Variants in RPF2 observed in about 807,000 individuals in gnomAD.
The protein encoded by RPF2 is ribosome production factor 2 homolog.
RPF2 carries 21 observed loss-of-function variants against 38.9 expected under a neutral mutation model. The observed-to-expected ratio is 0.54, with a 90% CI of 0.38 to 0.78. RPF2 has a LOEUF of 0.78. Among genes scored for constraint, RPF2 ranks in the 30% least tolerant of loss-of-function variants. RPF2 has a pLI of 0.00. For missense variants in RPF2, 314 were observed against 358.1 expected (o/e 0.88, Z 0.99); for synonymous variants, 121 against 126.2 (o/e 0.96, Z 0.28).
intron 4 of RPF2, among the ~76,000 whole-genome samples, chr6:110,992,170 C>T (rs201827391): frequency 2.0e-5 from 3 of 151,958 alleles, no homozygotes; most frequent in African/African-American, 7.3e-5. Flanking sequence ...ATTAGCCGGG[C>T]GTGATGGCAC....
chr6:110,987,306 G>A (rs1235503898), intron 2 of RPF2, among the ~76,000 whole-genome samples: 5 of 151,978 alleles, frequency 3.3e-5, no homozygotes, highest in African/African-American at 4.8e-5. Flanking sequence ...TGATCTGTCC[G>A]CCTCGGCCTC....
intron 7 of RPF2, among the ~76,000 whole-genome samples, chr6:111,012,557 A>G (rs1419982954): frequency 6.6e-6 from 1 of 152,162 alleles, no homozygotes; most frequent in Non-Finnish European, 1.5e-5. Flanking sequence ...TTCATTATAC[A>G]ATTGAGAAAA....
Position 111,011,301 on chromosome 6 carries a change from TTTCTTTC to T in RPF2, c.493+3167_493+3173del, listed in dbSNP as rs1179149142. 7.1e-4 allele frequency among the ~76,000 whole-genome samples: 100 copies of T among 140,472 alleles called. 2 individuals carry two copies. The highest frequency in any genetic ancestry group is 2.4e-3 in the African/African-American group (82 of 34,744). The allele number at this position is 140,472 out of a possible 152,430, so 92.2% of individuals were successfully genotyped here. A position where few individuals can be genotyped will look rare whatever the true frequency, so the allele number is the denominator to read the frequency against. ...TTTTCTTTCTTTCTTTCTTTCTTTC[TTTCTTTC>T]TTTTTTTTTTTGAGACATAGTCTCA... On this transcript the variant is annotated intron_variant, in intron 7 of 9. Coordinates refer to ENST00000441448, the MANE Select transcript of RPF2 (RefSeq NM_032194.3).
chr6:110,988,425 T>C (rs1188202589), intron 2 of RPF2, among the ~76,000 whole-genome samples: 2 of 148,046 alleles, frequency 1.4e-5, no homozygotes, highest in African/African-American at 2.5e-5. Context: ...TTTCTGTTTT[T>C]GTCTACTACT....
chr6:111,009,297 A>G (rs6568662), intron 7 of RPF2, among the ~76,000 whole-genome samples: 127,726 of 151,990 alleles, frequency 0.84, 54,189 homozygotes, highest in East Asian at 1. Flanking sequence ...CTCGTGATCC[A>G]CCCGCCTCGC....
At chr6:110,999,288 T>C (rs913851654) in intron 5 of RPF2, among the ~76,000 whole-genome samples, 1 of 152,086 alleles carries the variant, frequency 6.6e-6, no homozygotes, top group African/African-American at 2.4e-5. Context: ...ATTTTTTTCA[T>C]ATGAAATATA....
At chr6:111,023,802 A>C (rs1772273572) in intron 8 of RPF2, among the ~76,000 whole-genome samples, 1 of 152,212 alleles carries the variant, frequency 6.6e-6, no homozygotes, top group South Asian at 2.1e-4. Flanking sequence ...CCTGGCTAAC[A>C]CGGTGAAACC....
chr6:111,028,016 T>C lies in RPF2; in HGVS notation c.*2434T>C, dbSNP rs1055398161. On this transcript the variant is annotated 3_prime_UTR_variant, in exon 10 of 10. Transcript: ENST00000441448. The stretch of plus-strand genomic sequence containing the variant: ...TGCCTGTTTTAAGTTTTACTTAATG[T>C]TGGGTTTTGGTAGATGAGGAAAGCA... 6.6e-6 allele frequency: 1 copy of C among 152,234 alleles called. No homozygotes were observed. Among genetic ancestry groups the C allele is most frequent in the African/African-American group, 2.4e-5 (1 of 41,464 alleles). 9.4% of individuals were successfully genotyped at this position (152,234 alleles called of 1,614,324 possible).
In RPF2 at chr6:111,023,192, C is replaced by T. The variant is rs750619336; in HGVS notation, c.597-991C>T. On this transcript the variant is annotated intron_variant, in intron 8 of 9. Transcript: ENST00000441448. ...GGGACTACAGGCGTGAGCCACCACG[C>T]CTGGCTGCTCCACCATCACTTTATC... Among the ~76,000 whole-genome samples, 96 of 152,236 alleles carry T rather than the reference C, an allele frequency of 6.3e-4. 1 individual carries two copies. Among genetic ancestry groups the T allele is most frequent in the Non-Finnish European group, 6.3e-4 (43 of 68,038 alleles).
At chr6:110,986,836 C>T (rs906392322) in intron 2 of RPF2, among the ~76,000 whole-genome samples, 2 of 151,710 alleles carry the variant, frequency 1.3e-5, no homozygotes, top group African/African-American at 4.8e-5. Context: ...CCTGTAATCC[C>T]AGCTACTAGG....
intron 7 of RPF2, among the ~76,000 whole-genome samples, chr6:111,010,861 A>G (rs551587247): frequency 1.9e-4 from 29 of 151,068 alleles, no homozygotes; most frequent in African/African-American, 6.3e-4. Flanking sequence ...TTTTTAGGGG[A>G]AAAAAAAACA....
chr6:111,024,841 C>T (rs1022826724), intron 9 of RPF2, among the ~76,000 whole-genome samples: 3 of 151,848 alleles, frequency 2.0e-5, no homozygotes, highest in African/African-American at 2.4e-5. Flanking sequence ...GTTGCAAAAC[C>T]CAGACATGAG....
intron 7 of RPF2, among the ~76,000 whole-genome samples, chr6:111,012,500 A>G (rs1416912063): frequency 6.6e-6 from 1 of 152,032 alleles, no homozygotes; most frequent in African/African-American, 2.4e-5. Flanking sequence ...TATTATATAT[A>G]TGGTTGTTTA....
At position 111,015,807 on chromosome 6, in the gene RPF2, G is replaced by A; in HGVS notation, c.547G>A (p.Val183Ile). 1 of 1,613,484 alleles carries A rather than the reference G, an allele frequency of 6.2e-7. No homozygotes were observed. Among genetic ancestry groups the A allele is most frequent in the East Asian group, 2.2e-5 (1 of 44,886 alleles). The change falls in exon 8 of 10, where the codon GTT becomes ATT. Residue 183 changes from valine to isoleucine, a missense_variant. Coordinates refer to ENST00000441448, the MANE Select transcript of RPF2 (RefSeq NM_032194.3). Reference sequence around the variant, plus strand: ...TATCCGCCTGGCTGGATTAGAGTATGTTCTGCACTTCACTGCACTGAATGG... The same window carrying A: ...TATCCGCCTGGCTGGATTAGAGTATATTCTGCACTTCACTGCACTGAATGG... The part of the protein sequence containing the change: ...SNIRLAGLEY[V>I]LHFTALNGKI...
At chr6:111,006,391 C>T (rs1318858553) in intron 6 of RPF2, among the ~76,000 whole-genome samples, 3 of 151,708 alleles carry the variant, frequency 2.0e-5, no homozygotes, top group Admixed American at 6.6e-5. Context: ...TGTACCACCA[C>T]GCCCAGCTAA....
chr6:111,014,472 A>C (rs1326369563), intron 7 of RPF2, among the ~76,000 whole-genome samples: 1 of 152,146 alleles, frequency 6.6e-6, no homozygotes. Context: ...GGAAAAGCAG[A>C]CAACAAAAGA....
At chr6:111,016,679 TTTTC>T (rs71272401) in intron 8 of RPF2, among the ~76,000 whole-genome samples, 6 of 124,590 alleles carry the variant, frequency 4.8e-5, no homozygotes, top group South Asian at 2.9e-4. Context: ...TCTTTTTTTT[TTTTC>T]TTTCTTTTTT....
intron 6 of RPF2, among the ~76,000 whole-genome samples, chr6:111,004,066 G>A (rs1771864329): frequency 6.6e-6 from 1 of 152,016 alleles, no homozygotes; most frequent in African/African-American, 2.4e-5. Flanking sequence ...ACCCACCTTG[G>A]CCTCCCAAAG....
chr6:110,989,105 G>A, intron 3 of RPF2, 40 bp downstream of exon 3: 3 of 1,474,610 alleles, frequency 2.0e-6, no homozygotes, highest in Non-Finnish European at 2.7e-6. Context: ...AAATGATTTT[G>A]TTTCATTATA....
Sources: allele counts gnomAD v4.1 joint callset (sites outside exome capture counted in the v4.1 genomes callset), GRCh38; gene constraint gnomAD v4.1.1; transcripts MANE v1.5; gene names NCBI Gene and HGNC (gene_info 2026-07-23, HGNC 2026-07-21).